NBAS: variants seen among roughly 807,000 people sequenced by gnomAD.
NBAS encodes the protein NAG/BC035112 fusion.
Under a neutral mutation model 302.5 loss-of-function variants are expected in NBAS, and 219 were observed. The observed-to-expected ratio is 0.72, with a 90% CI of 0.65 to 0.81. The LOEUF is 0.81. Ranked by LOEUF, NBAS falls within the 30% of genes least tolerant of loss-of-function variation. The pLI is 0.00. For missense variants in NBAS, 2,932 were observed against 2,841.6 expected, an observed-to-expected ratio of 1.03 and a Z score of -0.72; for synonymous variants, 1,118 against 1,021.6, an observed-to-expected ratio of 1.09 and a Z score of -1.80.
At chr2:15,435,900 G>C (rs1452192457) in intron 21 of NBAS, among the ~76,000 whole-genome samples, 1 of 152,068 alleles carries the variant, frequency 6.6e-6, no homozygotes, top group African/African-American at 2.4e-5. Flanking sequence ...ACCCCTTTGT[G>C]TCCATCACAA....
At chr2:14,836,742 TG>T in the NBAS span, among the ~76,000 whole-genome samples, 1 of 151,896 alleles carries the variant, frequency 6.6e-6, no homozygotes, top group Non-Finnish European at 1.5e-5. Context: ...TGGATTTTGA[TG>T]GGGATCACAT....
the NBAS span, among the ~76,000 whole-genome samples, chr2:14,892,288 C>G: frequency 6.6e-6 from 1 of 152,014 alleles, no homozygotes; most frequent in South Asian, 2.1e-4. Context: ...AGACAGGAGG[C>G]AGCAATGATC....
At chr2:15,022,000 C>T in the NBAS span, among the ~76,000 whole-genome samples, 2 of 152,114 alleles carry the variant, frequency 1.3e-5, no homozygotes, top group Admixed American at 6.6e-5. Flanking sequence ...TCTACAACTG[C>T]TCTTAGGAAC....
At chr2:15,086,246 G>A in the NBAS span, among the ~76,000 whole-genome samples, 1 of 152,096 alleles carries the variant, frequency 6.6e-6, no homozygotes, top group African/African-American at 2.4e-5. Context: ...CTATCCCAGG[G>A]TCTCCCCTCT....
At chr2:15,469,740 G>A (rs1474484420) in intron 16 of NBAS, among the ~76,000 whole-genome samples, 4 of 148,158 alleles carry the variant, frequency 2.7e-5, no homozygotes, top group African/African-American at 9.9e-5. Context: ...CACAAGGACA[G>A]AAAACCAAAC....
At chr2:14,807,929 A>T in the NBAS span, among the ~76,000 whole-genome samples, 34 of 152,028 alleles carry the variant, frequency 2.2e-4, no homozygotes, top group East Asian at 7.7e-4. Context: ...TCTCTCTCTC[A>T]CACACACACA....
chr2:15,160,729 G>A, the NBAS span, among the ~76,000 whole-genome samples: 1 of 152,316 alleles, frequency 6.6e-6, no homozygotes, highest in Non-Finnish European at 1.5e-5. Flanking sequence ...AGTTTGCAAG[G>A]ATTAAATTTT....
Position 15,475,541 on chromosome 2 carries a change from TTTTTTATACTACAACCATTACC to T in NBAS, c.1341+124_1341+145del, listed in dbSNP as rs372140712. 2.3e-3 allele frequency: 1,946 copies of T among 847,866 alleles called. 20 individuals carry two copies. Among genetic ancestry groups the T allele is most frequent in the African/African-American group, 0.021 (1,221 of 58,434 alleles). 52.5% of individuals were successfully genotyped at this position (847,866 alleles called of 1,614,324 possible). ...ATTTTTTTATTCACTAAAAAATGGA[TTTTTTATACTACAACCATTACC>T]TGATTCCAATCACAGATTTTTATTT... On this transcript the variant is annotated intron_variant, in intron 14 of 51. Transcript: ENST00000281513.
chr2:15,325,475 G>A (rs1672022292), intron 38 of NBAS, among the ~76,000 whole-genome samples: 4 of 152,168 alleles, frequency 2.6e-5, no homozygotes, highest in Admixed American at 2.6e-4. Flanking sequence ...GACTGATCAG[G>A]ATTGTGGTTG....
At chr2:14,872,983 A>C in the NBAS span, among the ~76,000 whole-genome samples, 1 of 152,248 alleles carries the variant, frequency 6.6e-6, no homozygotes, top group Non-Finnish European at 1.5e-5. Flanking sequence ...CCCAGTGAGC[A>C]GCAGTAAGAT....
chr2:14,978,858 A>G, the NBAS span, among the ~76,000 whole-genome samples: 12 of 152,128 alleles, frequency 7.9e-5, no homozygotes, highest in Non-Finnish European at 1.6e-4. Flanking sequence ...TTCAACCCCG[A>G]TAAATACCTT....
chr2:15,184,881 T>C (rs1407370689), intron 50 of NBAS, among the ~76,000 whole-genome samples: 2 of 152,210 alleles, frequency 1.3e-5, no homozygotes, highest in African/African-American at 2.4e-5. Context: ...GATAAGAGTA[T>C]TTTAAAGAAC....
intron 31 of NBAS, among the ~76,000 whole-genome samples, chr2:15,367,749 A>C (rs73197100): frequency 0.017 from 2,609 of 152,288 alleles, 88 homozygotes; most frequent in African/African-American, 0.06. Flanking sequence ...GAGATAAAGA[A>C]GAGAGGTGGT....
chr2:15,251,202 C>G (rs1668349316), intron 44 of NBAS, among the ~76,000 whole-genome samples: 1 of 152,188 alleles, frequency 6.6e-6, no homozygotes, highest in African/African-American at 2.4e-5. Flanking sequence ...CAAACTAACA[C>G]AAGAACAGAA....
chr2:15,165,979 G>T (rs552333548), downstream of NBAS, among the ~76,000 whole-genome samples: 1 of 151,772 alleles, frequency 6.6e-6, no homozygotes, highest in African/African-American at 2.4e-5. Context: ...ACGGCCCCCC[G>T]GTCACTCTGT....
intron 8 of NBAS, among the ~76,000 whole-genome samples, chr2:15,535,830 A>T (rs1663479488): frequency 6.6e-6 from 1 of 152,218 alleles, no homozygotes; most frequent in Non-Finnish European, 1.5e-5. Flanking sequence ...ACTGTATATT[A>T]TTCCATTAAC....
At chr2:15,330,251 A>G (rs889322040) in intron 36 of NBAS, among the ~76,000 whole-genome samples, 5 of 152,186 alleles carry the variant, frequency 3.3e-5, no homozygotes, top group Admixed American at 1.3e-4. Context: ...CCTTCCTGAG[A>G]GCCCCCAGTC....
the NBAS span, among the ~76,000 whole-genome samples, chr2:14,941,162 G>A: frequency 1.3e-5 from 2 of 152,176 alleles, no homozygotes; most frequent in Non-Finnish European, 2.9e-5. Flanking sequence ...GAGGCCAATG[G>A]TCAAGTGAAA....
At chr2:14,831,336 A>G in the NBAS span, among the ~76,000 whole-genome samples, 9 of 152,218 alleles carry the variant, frequency 5.9e-5, no homozygotes, top group African/African-American at 2.2e-4. Flanking sequence ...ACTATAATTT[A>G]TTACTCATTC....
Sources: gnomAD v4.1 joint callset for allele counts (sites outside exome capture counted in the v4.1 genomes callset) on GRCh38, gnomAD v4.1.1 for gene constraint, MANE v1.5 for transcripts, NCBI Gene and HGNC (gene_info 2026-07-23, HGNC 2026-07-21) for gene names.